PMFBP1: variants seen among roughly 807,000 people sequenced by gnomAD.
PMFBP1 encodes polyamine-modulated factor 1-binding protein 1.
Under a neutral mutation model 137.8 loss-of-function variants are expected in PMFBP1, and 131 were observed. The observed-to-expected ratio is 0.95, with a 90% CI of 0.82 to 1.10. The LOEUF is 1.10. Among genes scored for constraint, PMFBP1 ranks in the 50% least tolerant of loss-of-function variants. The pLI, the probability that PMFBP1 is intolerant of heterozygous loss-of-function variation, is 0.00. For synonymous variants in PMFBP1, 490 were observed against 450.4 expected (o/e 1.09, Z -1.11); for missense variants, 1,199 against 1,175.4 (o/e 1.02, Z -0.29).
the PMFBP1 span, among the ~76,000 whole-genome samples, chr16:72,200,949 C>T: frequency 1.3e-5 from 2 of 152,180 alleles, no homozygotes; most frequent in African/African-American, 4.8e-5. Context: ...CCATAGGGAC[C>T]TGGCCGTGGG....
At chr16:72,229,953 T>C in the PMFBP1 span, among the ~76,000 whole-genome samples, 1 of 152,178 alleles carries the variant, frequency 6.6e-6, no homozygotes, top group Non-Finnish European at 1.5e-5. Flanking sequence ...GCAGCACATA[T>C]TACCAGAGGG....
chr16:72,182,387 T>C, the PMFBP1 span, among the ~76,000 whole-genome samples: 4 of 151,594 alleles, frequency 2.6e-5, no homozygotes, highest in Non-Finnish European at 5.9e-5. Flanking sequence ...TCCTAGCTAC[T>C]TGAGAGGCTG....
At position 72,130,273 on chromosome 16, in the gene PMFBP1, C is replaced by T. The variant is rs944296985; in HGVS notation, c.1722G>A (p.Gln574=). ...ENSDKEKRQL[Q]KTVAEQDMKM... is the part of the protein sequence containing the mutation. Reference sequence around the variant, plus strand: ...TCATATCCTGCTCAGCCACTGTCTTCTGAAGCTGCCTCTTTTCCTTGTCTG... The same window carrying T: ...TCATATCCTGCTCAGCCACTGTCTTTTGAAGCTGCCTCTTTTCCTTGTCTG... The change falls in exon 12 of 21, where the codon CAG becomes CAA. Residue 574 remains glutamine, a synonymous_variant. Coordinates refer to ENST00000237353, the MANE Select transcript of PMFBP1 (RefSeq NM_031293.3). The T allele has an allele frequency of 6.2e-7, 1 of 1,614,106 alleles. No individual in the cohort carries two copies. Among genetic ancestry groups the T allele is most frequent in the African/African-American group, 1.3e-5 (1 of 74,934 alleles).
intron 6 of PMFBP1, among the ~76,000 whole-genome samples, chr16:72,140,206 T>G (rs2042695381): frequency 6.6e-6 from 1 of 152,216 alleles, no homozygotes; most frequent in Non-Finnish European, 1.5e-5. Flanking sequence ...GTGAGAGATT[T>G]TAAGATTCTT....
intron 17 of PMFBP1, 62 bp from the exon 18 acceptor site, chr16:72,123,711 T>G (rs2042411290): frequency 2.1e-6 from 3 of 1,443,710 alleles, no homozygotes; most frequent in Middle Eastern, 1.8e-4. Flanking sequence ...CAGCCCTCCT[T>G]CCGAGTCAGG....
chr16:72,128,355 C>T, intron 14 of PMFBP1: 1 of 1,323,950 alleles, frequency 7.6e-7, no homozygotes, highest in Non-Finnish European at 9.7e-7. Flanking sequence ...GCAAATTGCC[C>T]CCCAAAATGG....
At chr16:72,152,844 CAAAAAAAAAA>C (rs34108768) in intron 4 of PMFBP1, among the ~76,000 whole-genome samples, 1 of 65,054 alleles carries the variant, frequency 1.5e-5, no homozygotes, top group Admixed American at 1.9e-4. Context: ...GACTTCGTCT[CAAAAAAAAAA>C]AAAAAAAAAA....
chr16:72,141,950 G>A (rs771242022), intron 5 of PMFBP1, among the ~76,000 whole-genome samples: 6 of 150,786 alleles, frequency 4.0e-5, no homozygotes, highest in Non-Finnish European at 7.4e-5. Context: ...AATCATGCAC[G>A]AAGGTTACTG....
At chr16:72,211,147 A>G in the PMFBP1 span, among the ~76,000 whole-genome samples, 1 of 152,176 alleles carries the variant, frequency 6.6e-6, no homozygotes, top group Middle Eastern at 3.4e-3. Context: ...CCCTATGGCA[A>G]CATAGGGACT....
chr16:72,130,210 T>A lies in PMFBP1; in HGVS notation c.1782+3A>T. 6.2e-7 allele frequency: 1 copy of A among 1,612,214 alleles called. No individual in the cohort carries two copies. The highest frequency in any genetic ancestry group is 8.5e-7 in the Non-Finnish European group (1 of 1,179,992). On this transcript the variant is annotated splice_donor_region_variant and intron_variant, in intron 12 of 20. Transcript: ENST00000237353. ...GAATGGGCCATCTGCCTGCCCGTCA[T>A]ACCTGGTGCTTGATACGATCAAGCA...
At chr16:72,222,426 T>A in the PMFBP1 span, among the ~76,000 whole-genome samples, 1 of 152,216 alleles carries the variant, frequency 6.6e-6, no homozygotes, top group Non-Finnish European at 1.5e-5. Flanking sequence ...CACAAATATT[T>A]TATTGCATGC....
At chr16:72,135,871 G>A (rs2042623292) in intron 9 of PMFBP1, among the ~76,000 whole-genome samples, 1 of 143,432 alleles carries the variant, frequency 7.0e-6, no homozygotes. Context: ...CCTGTGACTT[G>A]AGCCTCCCAA....
At chr16:72,245,477 A>G in the PMFBP1 span, among the ~76,000 whole-genome samples, 7 of 152,172 alleles carry the variant, frequency 4.6e-5, no homozygotes, top group African/African-American at 1.7e-4. Context: ...TTAGTAAACC[A>G]TGAATTCCCC....
chr16:72,170,276 C>G (rs2043202467), intron 2 of PMFBP1, among the ~76,000 whole-genome samples: 1 of 151,486 alleles, frequency 6.6e-6, no homozygotes, highest in Non-Finnish European at 1.5e-5. Context: ...TCCAGTAATG[C>G]AGCAGGAAAG....
chr16:72,187,833 T>C, the PMFBP1 span, among the ~76,000 whole-genome samples: 1 of 152,334 alleles, frequency 6.6e-6, no homozygotes, highest in Admixed American at 6.5e-5. Context: ...ATTTAAGTTA[T>C]ATTTGGGGAG....
chr16:72,136,525 T>C lies in PMFBP1; in HGVS notation c.1126A>G (p.Thr376Ala). Residue 376 changes from threonine to alanine, a missense_variant, in exon 9 of 21, where the codon ACC becomes GCC. Physicochemically the swap from Thr to Ala is moderately conservative, Grantham distance 58 (BLOSUM62 0). Coordinates refer to ENST00000237353, the MANE Select transcript of PMFBP1 (RefSeq NM_031293.3). ...TCCTGCAGCCGGCACTGCAGGATGG[T>C]GATGTCCTTATCCTTCCTCTCAATG... The part of the protein sequence containing the change: ...AHIERKDKDI[T>A]ILQCRLQELQ... The C allele has an allele frequency of 6.2e-7, 1 of 1,613,966 alleles. No homozygotes were observed. Among genetic ancestry groups the C allele is most frequent in the Non-Finnish European group, 8.5e-7 (1 of 1,179,962 alleles).
chr16:72,130,141 C>A (rs2042525841), intron 12 of PMFBP1, 72 bp downstream of exon 12: 24 of 1,580,826 alleles, frequency 1.5e-5, no homozygotes, highest in Non-Finnish European at 2.0e-5. Context: ...AGGTGTGAGC[C>A]ACTGCTCCTA....
intron 5 of PMFBP1, 113 bp from the exon 6 acceptor site, chr16:72,140,695 A>G (rs2042705651): frequency 1.0e-6 from 1 of 973,538 alleles, no homozygotes; most frequent in Non-Finnish European, 1.5e-6. Context: ...ATGTTCATAT[A>G]TGGAAATCAT....
intron 19 of PMFBP1, among the ~76,000 whole-genome samples, chr16:72,121,231 C>T (rs2042372877): frequency 6.6e-6 from 1 of 152,186 alleles, no homozygotes; most frequent in Non-Finnish European, 1.5e-5. Context: ...TACCCTTTTG[C>T]TCTCTACAAA....
Sources: gnomAD v4.1 joint callset for allele counts (sites outside exome capture counted in the v4.1 genomes callset) on GRCh38, gnomAD v4.1.1 for gene constraint, MANE v1.5 for transcripts, NCBI Gene and HGNC (gene_info 2026-07-23, HGNC 2026-07-21) for gene names.